Variants in ADGRE1 observed in about 807,000 individuals in gnomAD.
ADGRE1 encodes EGF-like module receptor 1.
ADGRE1 carries 82 observed loss-of-function variants against 102.7 expected under a neutral mutation model. That is an observed-to-expected ratio of 0.80 (90% confidence interval 0.67 to 0.96). The LOEUF (loss-of-function observed/expected upper bound fraction) is 0.96, where lower values mean the gene tolerates loss of function less well. ADGRE1 is among the 40% of genes least tolerant of loss of function. ADGRE1 has a pLI of 0.00. For missense variants in ADGRE1, 1,032 were observed against 1,085.3 expected (o/e 0.95, Z 0.69); for synonymous variants, 398 against 399.6 (o/e 1.00, Z 0.05).
At chr19:6,936,726 G>A (rs112949704) in intron 18 of ADGRE1, among the ~76,000 whole-genome samples, 17,138 of 151,182 alleles carry the variant, frequency 0.11, 1,267 homozygotes, top group Non-Finnish European at 0.17. Flanking sequence ...AGGTTCAAGC[G>A]ATTCTCCTGC....
intron 9 of ADGRE1, among the ~76,000 whole-genome samples, chr19:6,907,979 A>G (rs1479775207): frequency 1.3e-5 from 2 of 152,234 alleles, no homozygotes; most frequent in African/African-American, 4.8e-5. Flanking sequence ...AACTGGCCCC[A>G]AAACTGGCCA....
chr19:6,925,711 AGTTTTTTTGAGACAG>A (rs1161584510), intron 15 of ADGRE1, among the ~76,000 whole-genome samples: 1 of 144,896 alleles, frequency 6.9e-6, no homozygotes, highest in African/African-American at 2.7e-5. Context: ...TAATTTTTTT[AGTTTTTTTGAGACAG>A]GGTCTTGCTA....
chr19:6,916,524 A>G (rs760159768), intron 12 of ADGRE1, among the ~76,000 whole-genome samples, 156 bp downstream of exon 12: 3 of 152,146 alleles, frequency 2.0e-5, no homozygotes, highest in Non-Finnish European at 4.4e-5. Flanking sequence ...GTGCTAGGGA[A>G]GTCAAACATT....
chr19:6,919,323 C>T (rs539684618), intron 12 of ADGRE1, among the ~76,000 whole-genome samples: 50 of 151,810 alleles, frequency 3.3e-4, no homozygotes, highest in Admixed American at 9.9e-4. Flanking sequence ...AGCCACCATG[C>T]CCGGCCAGAG....
At chr19:6,920,666 T>G (rs951276773) in intron 13 of ADGRE1, among the ~76,000 whole-genome samples, 1 of 151,580 alleles carries the variant, frequency 6.6e-6, no homozygotes, top group East Asian at 2.0e-4. Context: ...GCCCACCACA[T>G]GCCCAGCTAA....
Position 6,939,794 on chromosome 19 carries a change from C to T in ADGRE1, c.2656-230C>T, listed in dbSNP as rs184771684. Among the ~76,000 whole-genome samples, 15 of 152,282 alleles carry T rather than the reference C, an allele frequency of 9.9e-5. No individual in the cohort carries two copies. In the East Asian group the frequency reaches 2.3e-3, roughly 23 times the overall value. On this transcript the variant is annotated intron_variant, in intron 20 of 20. Transcript: ENST00000312053. ...TTTTGAACCAACAGCTGTTTGGCTT[C>T]CTAAAGTCCAGAGTGGGCGCTGTCA...
intron 11 of ADGRE1, among the ~76,000 whole-genome samples, chr19:6,914,107 G>C (rs555957039): frequency 4.6e-5 from 7 of 152,244 alleles, no homozygotes; most frequent in Non-Finnish European, 8.8e-5. Context: ...GACAGTCATA[G>C]GCTGTGCTCA....
In ADGRE1 at chr19:6,912,181, C is replaced by T. The variant is rs138991089; in HGVS notation, c.1123-1472C>T. ...ACACAGAGATATACACACATGCACA[C>T]GCATGTACACAACCCAACACATACA... On this transcript the variant is annotated intron_variant, in intron 10 of 20. Coordinates refer to ENST00000312053, the MANE Select transcript of ADGRE1 (RefSeq NM_001974.5). Among the ~76,000 whole-genome samples the T allele has an allele frequency of 2.0e-3, 300 of 152,066 alleles. 1 individual carries two copies. Among genetic ancestry groups the T allele is most frequent in the African/African-American group, 6.2e-3 (256 of 41,468 alleles).
At chr19:6,936,428 T>TC (rs1049494859) in intron 18 of ADGRE1, among the ~76,000 whole-genome samples, 12 of 104,588 alleles carry the variant, frequency 1.1e-4, no homozygotes, top group South Asian at 3.5e-4. Context: ...AGAGTGACAC[T>TC]CCATCTCCAA....
chr19:6,890,506 A>C lies in ADGRE1; in HGVS notation c.57A>C (p.Glu19Asp). ...FWGCCVMHSWEGHIRPTRKPN... is the reference protein window; with the variant it reads ...FWGCCVMHSWDGHIRPTRKPN... ...GATGTTGTGTTATGCACAGCTGGGAAGGGCACATAAGACCCACACGGAAAC... is the reference window on the plus strand; with the variant it reads ...GATGTTGTGTTATGCACAGCTGGGACGGGCACATAAGACCCACACGGAAAC... The change falls in exon 2 of 21, where the codon GAA (glutamate) becomes GAC (aspartate). Residue 19 changes from glutamate to aspartate, a missense_variant. Transcript: ENST00000312053. The C allele has an allele frequency of 6.2e-7, 1 of 1,606,460 alleles. No homozygotes were observed. Among genetic ancestry groups the C allele is most frequent in the Non-Finnish European group, 8.5e-7 (1 of 1,177,454 alleles).
chr19:6,937,373 G>T lies in ADGRE1; in HGVS notation c.2512G>T (p.Ala838Ser), dbSNP rs1297353730. 3.1e-6 allele frequency: 5 copies of T among 1,613,810 alleles called. No individual in the cohort carries two copies. The East Asian group carries it at 1.1e-4, about 36-fold the overall frequency. Residue 838 changes from alanine (A) to serine (S), a missense_variant, in exon 19 of 21, where the codon GCC (alanine) becomes TCC (serine). Ala to Ser is a moderately conservative substitution (Grantham distance 99). Coordinates refer to ENST00000312053, the MANE Select transcript of ADGRE1 (RefSeq NM_001974.5). Reference protein sequence around the residue: ...LFTIINSLQGAFIFLIHCLLN... With the variant: ...LFTIINSLQGSFIFLIHCLLN... ...CACCATCATCAACAGCCTGCAGGGG[G>T]CCTTCATCTTCCTCATCCACTGTCT... is the stretch of plus-strand genomic sequence containing the variant.
intron 1 of ADGRE1, 131 bp downstream of exon 1, chr19:6,887,770 T>A: frequency 1.0e-6 from 1 of 969,274 alleles, no homozygotes. Flanking sequence ...ACACCTTCAT[T>A]CAGGGAACCT....
At chr19:6,938,055 G>A (rs1260659951) in intron 20 of ADGRE1, among the ~76,000 whole-genome samples, 2 of 151,408 alleles carry the variant, frequency 1.3e-5, no homozygotes, top group Admixed American at 6.6e-5. Context: ...TATAGATACC[G>A]GCTGGGCGCG....
At chr19:6,925,533 C>T (rs76094892) in intron 15 of ADGRE1, among the ~76,000 whole-genome samples, 8,693 of 152,146 alleles carry the variant, frequency 0.057, 427 homozygotes, top group African/African-American at 0.13. Flanking sequence ...GAGCAGCGTG[C>T]TACTGCTCTC....
Position 6,926,522 on chromosome 19 carries a change from G to C in ADGRE1, c.2143G>C (p.Ala715Pro). ...SRNIKMLHIC[A>P]FGYGLPMLVV... is the part of the protein sequence containing the mutation. ...CAACATCAAGATGCTGCACATCTGT[G>C]CCTTTGGTTATGGGCTGCCGATGCT... Residue 715 changes from alanine (A) to proline (P), a missense_variant, in exon 16 of 21, where the codon GCC becomes CCC. Coordinates refer to ENST00000312053, the MANE Select transcript of ADGRE1 (RefSeq NM_001974.5). 6.2e-7 allele frequency: 1 copy of C among 1,614,248 alleles called. No individual in the cohort carries two copies.
In ADGRE1 at chr19:6,896,598, T is replaced by C. The variant is rs535639916; in HGVS notation, c.238+57T>C. 4.4e-6 allele frequency: 7 copies of C among 1,584,396 alleles called. 1 individual carries two copies. In the African/African-American group the frequency reaches 8.1e-5, roughly 18 times the overall value. ...TTTGGTAGGAAAATCAAGTCAAAGC[T>C]GGCTGGGTATTGAATGTAGGTACTC... On this transcript the variant is annotated intron_variant, in intron 3 of 20. Coordinates refer to ENST00000312053, the MANE Select transcript of ADGRE1 (RefSeq NM_001974.5).
intron 12 of ADGRE1, among the ~76,000 whole-genome samples, chr19:6,916,932 G>A: frequency 6.6e-6 from 1 of 151,962 alleles, no homozygotes; most frequent in East Asian, 1.9e-4. Flanking sequence ...ATGTGTACTA[G>A]AAAATTTAAA....
intron 13 of ADGRE1, among the ~76,000 whole-genome samples, chr19:6,920,907 T>C (rs1435124386): frequency 2.6e-5 from 4 of 152,218 alleles, no homozygotes; most frequent in Non-Finnish European, 5.9e-5. Flanking sequence ...CACTGCACTA[T>C]GATCTCTTTT....
At chr19:6,933,329 G>A (rs114157290) in intron 17 of ADGRE1, among the ~76,000 whole-genome samples, 2,391 of 151,850 alleles carry the variant, frequency 0.016, 72 homozygotes, top group African/African-American at 0.055. Context: ...CCCTGGGGCC[G>A]TGATTCTCCA....
Sources: allele counts gnomAD v4.1 joint callset (sites outside exome capture counted in the v4.1 genomes callset), GRCh38; gene constraint gnomAD v4.1.1; transcripts MANE v1.5; gene names NCBI Gene and HGNC (gene_info 2026-07-23, HGNC 2026-07-21).